The following DNASE1L2 variants were observed in gnomAD, a reference collection of about 807,000 sequenced individuals.
The protein encoded by DNASE1L2 is deoxyribonuclease 1 like 2, also known as deoxyribonuclease-1-like 2.
In DNASE1L2, 35 loss-of-function variants were observed where a neutral mutation model predicts 31.8. That is an observed-to-expected ratio of 1.10 (90% CI 0.84 to 1.46). The LOEUF (loss-of-function observed/expected upper bound fraction) is 1.46, where lower values mean the gene tolerates loss of function less well. Among genes scored for constraint, DNASE1L2 ranks in the 40% most tolerant of loss-of-function variants. The pLI, the probability that DNASE1L2 is intolerant of heterozygous loss-of-function variation, is 0.00. For synonymous variants in DNASE1L2, 211 were observed against 186.5 expected (o/e 1.13, Z -1.07); for missense variants, 504 against 418.8 (o/e 1.20, Z -1.77).
At chr16:2,238,321 T>C (rs1032457011) in intron 6 of DNASE1L2, 41 bp from the exon 7 acceptor site, 1 of 1,610,518 alleles carries the variant, frequency 6.2e-7, no homozygotes, top group Non-Finnish European at 8.5e-7. Flanking sequence ...TCCCTGTGGG[T>C]GGGGTGCACT....
chr16:2,237,880 C>G lies in DNASE1L2; in HGVS notation c.705C>G (p.Ser235Arg), dbSNP rs763288743. The G allele has an allele frequency of 6.2e-7, 1 of 1,612,682 alleles. No homozygotes were observed. Among genetic ancestry groups the G allele is most frequent in the Non-Finnish European group, 8.5e-7 (1 of 1,179,856 alleles). ...TCTTCAAGTGGCTCATCCCTGACAG[C>G]GCCGACACCACGGTGGGCAACTCAG... ...SEVFKWLIPD[S>R]ADTTVGNSDC... Residue 235 changes from serine to arginine, a missense_variant, in exon 6 of 7, where the codon AGC (serine) becomes AGG (arginine). By Grantham distance (110) the Ser-to-Arg change is moderately radical. Coordinates refer to ENST00000320700, the MANE Select transcript of DNASE1L2 (RefSeq NM_001374.3).
At position 2,236,855 on chromosome 16, in the gene DNASE1L2, G is replaced by T. The variant is rs747517722; in HGVS notation, c.39G>T (p.Ala13=). 2.5e-6 allele frequency: 4 copies of T among 1,598,140 alleles called. No individual in the cohort carries two copies. Among genetic ancestry groups the T allele is most frequent in the African/African-American group, 1.3e-5 (1 of 74,854 alleles). The change falls in exon 2 of 7, where the codon GCG becomes GCT. Residue 13 remains alanine, a synonymous_variant. Transcript: ENST00000320700. Reference sequence around the variant, plus strand: ...GGGCTCTGCTGGCCGCACTCTGGGCGCTGGAAGCCGCCGGGACCGCCGCGC... The same window carrying T: ...GGGCTCTGCTGGCCGCACTCTGGGCTCTGGAAGCCGCCGGGACCGCCGCGC... ...GPRALLAALW[A]LEAAGTAALR...
rs889951656 is a variant in DNASE1L2, at chr16:2,236,664, C to T, written c.-40+104C>T. Reference sequence around the variant, plus strand: ...AAGGCAGCGGTCCCTGAGAGCCCAGCAGTGCCCTGGGAGCCTGCAGAACGC... The same window carrying T: ...AAGGCAGCGGTCCCTGAGAGCCCAGTAGTGCCCTGGGAGCCTGCAGAACGC... On this transcript the variant is annotated intron_variant, in intron 1 of 6. Coordinates refer to ENST00000320700, the MANE Select transcript of DNASE1L2 (RefSeq NM_001374.3). The T allele has an allele frequency of 4.3e-6, 6 of 1,406,832 alleles. No homozygotes were observed. In the African/African-American group the frequency reaches 9.0e-5, roughly 21 times the overall value. The allele number at this position is 1,406,832 out of a possible 1,614,324, so 87.1% of individuals were successfully genotyped here.
intron 1 of DNASE1L2, 71 bp downstream of exon 1, chr16:2,236,631 G>T (rs1426955428): frequency 7.4e-7 from 1 of 1,355,392 alleles, no homozygotes; most frequent in Non-Finnish European, 9.4e-7. Flanking sequence ...AGCTTCCCGC[G>T]CAGTGAGAAG....
chr16:2,236,986 G>A, intron 2 of DNASE1L2, 26 bp downstream of exon 2: 7 of 1,546,710 alleles, frequency 4.5e-6, no homozygotes, highest in Non-Finnish European at 6.1e-6. Flanking sequence ...GGGCGGGGCG[G>A]CGTTTAGGGG....
chr16:2,237,688 G>A (rs759467355), intron 5 of DNASE1L2, 39 bp downstream of exon 5: 10 of 1,587,928 alleles, frequency 6.3e-6, no homozygotes, highest in African/African-American at 1.3e-5. Flanking sequence ...CTGCAGGCGC[G>A]CCCCGGGGGT....
Position 2,237,198 on chromosome 16 carries a change from G to A in DNASE1L2, c.234-20G>A. ...CCCCGGCGCGGCGCCCCGACCCTGA[G>A]CGGGCCCCTGTCTCCGCAGCGTGTC... On this transcript the variant is annotated intron_variant, in intron 3 of 6. Transcript: ENST00000320700. 1 of 1,557,716 alleles carries A rather than the reference G, an allele frequency of 6.4e-7. No homozygotes were observed. Among genetic ancestry groups the A allele is most frequent in the East Asian group, 2.4e-5 (1 of 41,950 alleles).
chr16:2,236,742 G>GGGTGGGTC, intron 1 of DNASE1L2, 36 bp from the exon 2 acceptor site: 1 of 1,475,204 alleles, frequency 6.8e-7, no homozygotes, highest in South Asian at 1.4e-5. Context: ...CGGAGGGAAG[G>GGGTGGGTC]GGTGGGTCGG....
chr16:2,238,271 G>A lies in DNASE1L2; in HGVS notation c.844-91G>A, dbSNP rs576904497. The A allele has an allele frequency of 1.1e-4, 169 of 1,552,280 alleles. No homozygotes were observed. The African/African-American group carries it at 2.1e-3, about 20-fold the overall frequency. On this transcript the variant is annotated intron_variant, in intron 6 of 6. Coordinates refer to ENST00000320700, the MANE Select transcript of DNASE1L2 (RefSeq NM_001374.3). The stretch of plus-strand genomic sequence containing the variant: ...CCCTGCCCCTGCCCCACCGCAGGCA[G>A]CAGCAGGGGTGGGCACCCAGGCCTC...
rs1485132349 is a variant in DNASE1L2, at chr16:2,236,847, C to T, written c.31C>T (p.Leu11Phe). 1.2e-5 allele frequency: 19 copies of T among 1,599,548 alleles called. No homozygotes were observed. Among genetic ancestry groups the T allele is most frequent in the Non-Finnish European group, 1.6e-5 (19 of 1,174,654 alleles). MGGPRALLAA[L>F]WALEAAGTAA... is the part of the protein sequence containing the mutation. ...CGGGCCCCGGGCTCTGCTGGCCGCACTCTGGGCGCTGGAAGCCGCCGGGAC... is the reference window on the plus strand; with the variant it reads ...CGGGCCCCGGGCTCTGCTGGCCGCATTCTGGGCGCTGGAAGCCGCCGGGAC... Residue 11 changes from leucine to phenylalanine, a missense_variant, in exon 2 of 7, where the codon CTC (leucine) becomes TTC (phenylalanine). Transcript: ENST00000320700.
intron 1 of DNASE1L2, 67 bp from the exon 2 acceptor site, chr16:2,236,711 C>A: frequency 2.1e-6 from 3 of 1,435,564 alleles, no homozygotes; most frequent in Admixed American, 5.7e-5. Flanking sequence ...CCGCGTCGCA[C>A]TGGCCGTCAA....
rs1182988190 is a variant in DNASE1L2 at position 2,237,498 on chromosome 16, C to T, written c.440C>T (p.Pro147Leu). Residue 147 changes from proline to leucine, a missense_variant, in exon 5 of 7, where the codon CCC (proline) becomes CTC (leucine). Transcript: ENST00000320700. ...PGTGERAPPL[P>L]SRRALTPPPL... ...ACCGGTGAGCGGGCCCCGCCCCTCC[C>T]CTCCCGCCGAGCTCTGACGCCCCCA... The T allele has an allele frequency of 1.3e-6, 2 of 1,577,346 alleles. No individual in the cohort carries two copies. The highest frequency in any genetic ancestry group is 1.7e-6 in the Non-Finnish European group (2 of 1,163,150).
rs757844686 is a variant in DNASE1L2, at chr16:2,237,181, C to T, written c.234-37C>T. The T allele has an allele frequency of 2.6e-6, 4 of 1,550,344 alleles. No individual in the cohort carries two copies. The South Asian group carries it at 4.7e-5, about 18-fold the overall frequency. The stretch of plus-strand genomic sequence containing the variant: ...CCCCCGCCGGGATCTCGCCCCGGCG[C>T]GGCGCCCCGACCCTGAGCGGGCCCC... On this transcript the variant is annotated intron_variant, in intron 3 of 6. Transcript: ENST00000320700.
chr16:2,237,189 C>T (rs368305952), intron 3 of DNASE1L2, 29 bp from the exon 4 acceptor site: 4 of 1,552,912 alleles, frequency 2.6e-6, no homozygotes, highest in Non-Finnish European at 3.5e-6. Context: ...CGCGGCGCCC[C>T]GACCCTGAGC....
At chr16:2,237,722 GACGGCTCCTGCGGCGGCTCAGAC>G (rs763279413) in intron 5 of DNASE1L2, 22 bp from the exon 6 acceptor site, 7 of 1,594,480 alleles carry the variant, frequency 4.4e-6, no homozygotes, top group Admixed American at 3.4e-5. Flanking sequence ...GCGGGACCTC[GACGGCTCCTGCGGCGGCTCAGAC>G]ACGGCTCCGC....
Position 2,238,652 on chromosome 16 carries a change from G to A in DNASE1L2, c.*234G>A, listed in dbSNP as rs1046981429. 3 of 588,546 alleles carry A rather than the reference G, an allele frequency of 5.1e-6. No individual in the cohort carries two copies. The highest frequency in any genetic ancestry group is 9.1e-6 in the Non-Finnish European group (3 of 327,996). 36.5% of individuals were successfully genotyped at this position (588,546 alleles called of 1,614,324 possible). Reference sequence around the variant, plus strand: ...TGTTGTGAGCCCCATGAGGGGTGCAGGGGGCACTGCCCGGCAGATGTCTGC... The same window carrying A: ...TGTTGTGAGCCCCATGAGGGGTGCAAGGGGCACTGCCCGGCAGATGTCTGC... On this transcript the variant is annotated 3_prime_UTR_variant, in exon 7 of 7. Transcript: ENST00000320700.
At position 2,236,533 on chromosome 16, in the gene DNASE1L2, G is replaced by A; in HGVS notation, c.-67G>A. 8.2e-7 allele frequency: 1 copy of A among 1,224,364 alleles called. No homozygotes were observed. The highest frequency in any genetic ancestry group is 3.4e-5 in the East Asian group (1 of 29,332). The allele number at this position is 1,224,364 out of a possible 1,614,324, so 75.8% of individuals were successfully genotyped here. On this transcript the variant is annotated 5_prime_UTR_variant, in exon 1 of 7. Coordinates refer to ENST00000320700, the MANE Select transcript of DNASE1L2 (RefSeq NM_001374.3). The stretch of plus-strand genomic sequence containing the variant: ...ATCCCCATCCCCCTAGGATCTCTGA[G>A]CCTCGGGCCTCTGCACCCACATCCA...
intron 1 of DNASE1L2, 96 bp from the exon 2 acceptor site, chr16:2,236,682 C>T (rs1235427247): frequency 6.3e-6 from 9 of 1,421,030 alleles, no homozygotes; most frequent in Non-Finnish European, 7.3e-6. Flanking sequence ...TGGGAGCCTG[C>T]AGAACGCAGG....
chr16:2,236,901 AT>A lies in DNASE1L2; in HGVS notation c.87del (p.Gln30ArgfsTer58). 1 of 1,593,768 alleles carries A rather than the reference AT, an allele frequency of 6.3e-7. No individual in the cohort carries two copies. The highest frequency in any genetic ancestry group is 1.7e-4 in the Middle Eastern group (1 of 6,036). ...TAALRIGAFN[I>X]QSFGDSKVSD... ...CGCGCTTCGCATCGGAGCCTTCAAC[AT>A]TCAGAGCTTCGGTGACAGCAAAGTG... On this transcript the variant is annotated frameshift_variant, in exon 2 of 7. Transcript: ENST00000320700. LOFTEE classifies it high-confidence loss of function.
Sources: allele counts gnomAD v4.1 joint callset, GRCh38; gene constraint gnomAD v4.1.1; transcripts MANE v1.5; gene names NCBI Gene and HGNC (gene_info 2026-07-23, HGNC 2026-07-21).